COMMD1: variants seen among roughly 807,000 people sequenced by gnomAD.
The protein encoded by COMMD1 is copper metabolism domain containing 1.
In COMMD1, 10 loss-of-function variants were observed where a neutral mutation model predicts 17.2. The ratio of observed to expected loss-of-function variants is 0.58; its 90% CI spans 0.36 to 0.99. The LOEUF is 0.99. COMMD1 is among the 50% of genes least tolerant of loss of function. The pLI, the probability that COMMD1 is intolerant of heterozygous loss-of-function variation, is 0.01. For missense variants in COMMD1, 270 were observed against 231.8 expected, an observed-to-expected ratio of 1.17 and a Z score of -1.07; for synonymous variants, 97 against 91.6, an observed-to-expected ratio of 1.06 and a Z score of -0.34.
chr2:62,112,640 C>A (rs952555303), intron 2 of COMMD1, among the ~76,000 whole-genome samples: 14 of 152,196 alleles, frequency 9.2e-5, no homozygotes, highest in African/African-American at 3.4e-4. Flanking sequence ...CATATGCCAT[C>A]TTATTTAGTC....
chr2:61,894,460 A>T (rs149767364), intron 1 of COMMD1, among the ~76,000 whole-genome samples: 52 of 152,152 alleles, frequency 3.4e-4, no homozygotes, highest in African/African-American at 4.6e-4. Flanking sequence ...AAAAAAAAAA[A>T]ATATTAATCA....
intron 2 of COMMD1, among the ~76,000 whole-genome samples, chr2:62,133,366 C>A (rs17574409): frequency 3.9e-5 from 6 of 152,196 alleles, no homozygotes; most frequent in African/African-American, 1.4e-4. Context: ...CTTTAACTAC[C>A]ACTTTGGAGA....
intron 1 of COMMD1, among the ~76,000 whole-genome samples, chr2:61,990,191 T>C (rs1000086338): frequency 6.6e-6 from 1 of 152,034 alleles, no homozygotes; most frequent in Non-Finnish European, 1.5e-5. Flanking sequence ...GAACAAATGA[T>C]TGGAAGATTG....
intron 2 of COMMD1, among the ~76,000 whole-genome samples, chr2:62,019,835 G>T (rs556266579): frequency 1.3e-5 from 2 of 152,204 alleles, no homozygotes; most frequent in African/African-American, 4.8e-5. Context: ...TATTATTGTA[G>T]AAACAAGTCA....
At chr2:61,996,670 A>G (rs1226292399) in intron 1 of COMMD1, among the ~76,000 whole-genome samples, 5 of 152,206 alleles carry the variant, frequency 3.3e-5, no homozygotes, top group African/African-American at 1.2e-4. Context: ...CATCTTTACT[A>G]GGACTAGATA....
intron 1 of COMMD1, among the ~76,000 whole-genome samples, chr2:61,939,043 T>A (rs2103629761): frequency 6.6e-6 from 1 of 152,262 alleles, no homozygotes; most frequent in African/African-American, 2.4e-5. Flanking sequence ...TGAAACAATT[T>A]CTCTCTCTAG....
chr2:62,098,788 ATCT>A (rs1209078203), intron 2 of COMMD1, among the ~76,000 whole-genome samples: 1 of 152,174 alleles, frequency 6.6e-6, no homozygotes, highest in African/African-American at 2.4e-5. Context: ...TTTTGTCAAA[ATCT>A]TCTAAAGGCT....
chr2:62,042,585 G>A (rs575765617), intron 2 of COMMD1, among the ~76,000 whole-genome samples: 7 of 152,186 alleles, frequency 4.6e-5, no homozygotes, highest in African/African-American at 7.2e-5. Flanking sequence ...GCGCAGCCCC[G>A]GCTCCCGCCC....
intron 1 of COMMD1, among the ~76,000 whole-genome samples, chr2:61,962,866 C>G (rs7579874): frequency 5.9e-5 from 9 of 152,022 alleles, no homozygotes; most frequent in African/African-American, 1.9e-4. Flanking sequence ...TTGCTATAAT[C>G]AAACTATAAT....
upstream of COMMD1, among the ~76,000 whole-genome samples, chr2:61,903,395 G>C (rs911269487): frequency 9.3e-5 from 14 of 150,538 alleles, no homozygotes; most frequent in Admixed American, 2.0e-4. Flanking sequence ...AGTGAACCGA[G>C]ATTGTGCCAC....
chr2:61,956,798 T>A (rs549117725), intron 1 of COMMD1, among the ~76,000 whole-genome samples: 1 of 152,250 alleles, frequency 6.6e-6, no homozygotes, highest in African/African-American at 2.4e-5. Flanking sequence ...GTCGCCAGGC[T>A]GGTATGCAGT....
At chr2:61,992,421 CAA>C (rs535286363) in intron 1 of COMMD1, among the ~76,000 whole-genome samples, 167 of 152,254 alleles carry the variant, frequency 1.1e-3, no homozygotes, top group Non-Finnish European at 2.0e-3. Context: ...TGGGACATTG[CAA>C]AGTCATGTGA....
intron 2 of COMMD1, among the ~76,000 whole-genome samples, chr2:62,096,200 A>C (rs1294883500): frequency 1.3e-5 from 2 of 152,194 alleles, no homozygotes; most frequent in Non-Finnish European, 2.9e-5. Context: ...ACCGCTGCCT[A>C]GCAGCTTTAT....
chr2:62,036,570 A>G (rs1022442025), intron 2 of COMMD1, among the ~76,000 whole-genome samples: 18 of 152,210 alleles, frequency 1.2e-4, no homozygotes, highest in Non-Finnish European at 2.6e-4. Flanking sequence ...GAAGTTAGAA[A>G]GAAGTGCAGC....
intron 2 of COMMD1, among the ~76,000 whole-genome samples, chr2:62,068,642 TTTG>T (rs1222354704): frequency 1.4e-5 from 2 of 145,824 alleles, no homozygotes; most frequent in African/African-American, 5.1e-5. Context: ...TTTTTTTTTT[TTTG>T]ACCGAGTCTC....
chr2:62,115,033 A>G (rs1169255462), intron 2 of COMMD1, among the ~76,000 whole-genome samples: 3 of 152,188 alleles, frequency 2.0e-5, no homozygotes, highest in African/African-American at 7.2e-5. Context: ...ATGAGATATT[A>G]TGGTAAAAAA....
intron 1 of COMMD1, among the ~76,000 whole-genome samples, chr2:61,948,968 C>T (rs773961634): frequency 6.6e-6 from 1 of 152,150 alleles, no homozygotes; most frequent in African/African-American, 2.4e-5. Flanking sequence ...TAGGTTTTCT[C>T]ACAGAAGCCA....
At chr2:61,935,642 A>AAT (rs57515351) in intron 1 of COMMD1, among the ~76,000 whole-genome samples, 1 of 151,928 alleles carries the variant, frequency 6.6e-6, no homozygotes, top group African/African-American at 2.4e-5. Context: ...AAAAAAAAAA[A>AAT]GGTAAAATTT....
At chr2:61,920,981 A>ATATATATATATATATAT (rs749403795) in intron 1 of COMMD1, among the ~76,000 whole-genome samples, 11 of 141,400 alleles carry the variant, frequency 7.8e-5, no homozygotes, top group Admixed American at 2.1e-4. Flanking sequence ...ATATATATAT[A>ATATATATATATATATAT]TTTTTTTTTT....
Sources: allele counts gnomAD v4.1 joint callset (sites outside exome capture counted in the v4.1 genomes callset), GRCh38; gene constraint gnomAD v4.1.1; transcripts MANE v1.5; gene names NCBI Gene and HGNC (gene_info 2026-07-23, HGNC 2026-07-21).